The following DNAH2 variants were observed in gnomAD, a reference collection of about 807,000 sequenced individuals.
DNAH2 encodes the protein dynein axonemal heavy chain 2, also known as axonemal beta dynein heavy chain 2.
In DNAH2, 323 loss-of-function variants were observed where a neutral mutation model predicts 523.5. That is an observed-to-expected ratio of 0.62 (90% confidence interval 0.56 to 0.68). The LOEUF is 0.68. Among genes scored for constraint, DNAH2 ranks in the 30% least tolerant of loss-of-function variants. The pLI is 0.00. For synonymous variants in DNAH2, 2,093 were observed against 2,177.4 expected, an observed-to-expected ratio of 0.96 and a Z score of 1.08; for missense variants, 4,907 against 5,701.5, an observed-to-expected ratio of 0.86 and a Z score of 4.49.
At chr17:7,765,178 T>C (rs1002002394) in intron 20 of DNAH2, among the ~76,000 whole-genome samples, 1 of 152,062 alleles carries the variant, frequency 6.6e-6, no homozygotes, top group African/African-American at 2.4e-5. Context: ...AAAACTTTCA[T>C]GAGAGGGCAG....
At chr17:7,750,317 G>GT (rs1197557051) in intron 12 of DNAH2, among the ~76,000 whole-genome samples, 3 of 152,130 alleles carry the variant, frequency 2.0e-5, no homozygotes, top group Non-Finnish European at 4.4e-5. Context: ...TCTTAGATCT[G>GT]TTTTTTTCCT....
At chr17:7,751,920 G>GGGTGTGT (rs111751776) in intron 12 of DNAH2, among the ~76,000 whole-genome samples, 2 of 145,876 alleles carry the variant, frequency 1.4e-5, no homozygotes, top group African/African-American at 5.0e-5. Flanking sequence ...ATAGTTGTGG[G>GGGTGTGT]GTGTGTGTGT....
At chr17:7,797,911 T>C in intron 53 of DNAH2, 82 bp downstream of exon 53, 1 of 1,512,104 alleles carries the variant, frequency 6.6e-7, no homozygotes, top group Non-Finnish European at 8.8e-7. Context: ...CCTTCCCAGG[T>C]CTCCCAAATC....
Position 7,754,153 on chromosome 17 carries a change from G to A in DNAH2, c.1905-2938G>A, listed in dbSNP as rs2075769493. On this transcript the variant is annotated intron_variant, in intron 12 of 85. Transcript: ENST00000572933. The surrounding 1 kb of genome is among the most constrained non-coding windows in gnomAD (Gnocchi z 4.6). ...GGACGACATTCTTTAAAGCAGGCAG[G>A]CCGTGAAGGGGAGGACAGGATATGG... 6.6e-6 allele frequency among the ~76,000 whole-genome samples: 1 copy of A among 152,092 alleles called. No homozygotes were observed. The highest frequency in any genetic ancestry group is 2.1e-4 in the South Asian group (1 of 4,816).
chr17:7,807,346 C>G lies in DNAH2; in HGVS notation c.9612+27C>G. 1 of 1,568,756 alleles carries G rather than the reference C, an allele frequency of 6.4e-7. No homozygotes were observed. The highest frequency in any genetic ancestry group is 8.7e-7 in the Non-Finnish European group (1 of 1,154,922). On this transcript the variant is annotated intron_variant, in intron 62 of 85. Coordinates refer to ENST00000572933, the MANE Select transcript of DNAH2 (RefSeq NM_020877.5). This position sits in a 1 kb window ranked among gnomAD's most constrained non-coding sequence, Gnocchi z 5.6. Reference sequence around the variant, plus strand: ...TAAAGGCGTCAGGGCTGGGGCGGGGCGGTAGGGAGGGCAGGCCTGGGGGAG... The same window carrying G: ...TAAAGGCGTCAGGGCTGGGGCGGGGGGGTAGGGAGGGCAGGCCTGGGGGAG...
At chr17:7,819,671 G>A (rs1047957346) in intron 72 of DNAH2, among the ~76,000 whole-genome samples, 3 of 152,164 alleles carry the variant, frequency 2.0e-5, no homozygotes, top group Admixed American at 1.3e-4. Context: ...AGATGTTAAC[G>A]GGCAGGAAGT....
rs904359776 is a variant in DNAH2 at position 7,754,681 on chromosome 17, T to C, written c.1905-2410T>C. On this transcript the variant is annotated intron_variant, in intron 12 of 85. Coordinates refer to ENST00000572933, the MANE Select transcript of DNAH2 (RefSeq NM_020877.5). The surrounding 1 kb of genome is among the most constrained non-coding windows in gnomAD (Gnocchi z 4.6). ...CATAAACTTGATCGACTTGCCTACA[T>C]TGCCCACCCCAACCTTGGGAAGCTT... 10 of 1,265,292 alleles carry C rather than the reference T, an allele frequency of 7.9e-6. No homozygotes were observed. The highest frequency in any genetic ancestry group is 7.2e-5 in the South Asian group (6 of 82,860). 78.4% of individuals were successfully genotyped at this position (1,265,292 alleles called of 1,614,324 possible). A position where few individuals can be genotyped will look rare whatever the true frequency, so the allele number is the denominator to read the frequency against.
rs1002178511 is a variant in DNAH2, at chr17:7,759,349, G to T, written c.2449-73G>T. On this transcript the variant is annotated intron_variant, in intron 15 of 85. Coordinates refer to ENST00000572933, the MANE Select transcript of DNAH2 (RefSeq NM_020877.5). ...AACCAACTTGTTTCCTTCCCTGTTG[G>T]CTGGTTCTCACTTCCCAGGATGTGC... 2.0e-6 allele frequency: 3 copies of T among 1,536,154 alleles called. No individual in the cohort carries two copies. The African/African-American group carries it at 4.1e-5, about 21-fold the overall frequency.
rs753449833 is a variant in DNAH2 at position 7,832,277 on chromosome 17, G to A, written c.12727-302G>A. Among the ~76,000 whole-genome samples the A allele has an allele frequency of 4.5e-4, 68 of 152,244 alleles. No individual in the cohort carries two copies. Among genetic ancestry groups the A allele is most frequent in the Admixed American group, 1.3e-3 (20 of 15,280 alleles). On this transcript the variant is annotated intron_variant, in intron 82 of 85. Transcript: ENST00000572933. This position sits in a 1 kb window ranked among gnomAD's most constrained non-coding sequence, Gnocchi z 4.3. ...AATCTCAGCACTTTGGGAGGCTGAG[G>A]CGGGCAGATCACCTGAGTTTAGGAG... is the stretch of plus-strand genomic sequence containing the variant.
chr17:7,758,554 T>G lies in DNAH2; in HGVS notation c.2111T>G (p.Leu704Arg). ...QALFKERIRL[L>R]DKKIHPGLKK... Reference sequence around the variant, plus strand: ...CTATTCAAAGAGCGTATTCGGCTCCTGGATAAGAAGATCCACCCGGGACTC... The same window carrying G: ...CTATTCAAAGAGCGTATTCGGCTCCGGGATAAGAAGATCCACCCGGGACTC... The change falls in exon 14 of 86, where the codon CTG (leucine) becomes CGG (arginine). Residue 704 changes from leucine to arginine, a missense_variant. Transcript: ENST00000572933. The G allele has an allele frequency of 6.2e-7, 1 of 1,614,126 alleles. No homozygotes were observed. Among genetic ancestry groups the G allele is most frequent in the Non-Finnish European group, 8.5e-7 (1 of 1,180,018 alleles).
chr17:7,755,745 A>T (rs2075817683), intron 12 of DNAH2, among the ~76,000 whole-genome samples: 1 of 151,704 alleles, frequency 6.6e-6, no homozygotes, highest in African/African-American at 2.4e-5. Context: ...GCCACTGGAT[A>T]TGAGGTGGCA....
chr17:7,781,688 G>A (rs180959994), intron 39 of DNAH2, among the ~76,000 whole-genome samples: 62 of 152,244 alleles, frequency 4.1e-4, no homozygotes, highest in African/African-American at 1.4e-3. Context: ...TCCCTCCTCC[G>A]CTGACCTACT....
chr17:7,810,451 C>A (rs1432830912), intron 63 of DNAH2, among the ~76,000 whole-genome samples: 1 of 152,062 alleles, frequency 6.6e-6, no homozygotes, highest in Non-Finnish European at 1.5e-5. Context: ...CACGGTGGTG[C>A]GATCCCAGCT....
chr17:7,766,640 CT>C (rs58072098), intron 22 of DNAH2, among the ~76,000 whole-genome samples, 159 bp downstream of exon 22: 4,187 of 84,188 alleles, frequency 0.05, 34 homozygotes, highest in Admixed American at 0.088. Flanking sequence ...AAAATTAATC[CT>C]TTTTTTTTTT....
At position 7,825,242 on chromosome 17, in the gene DNAH2, T is replaced by A. The variant is rs142421904; in HGVS notation, c.11853+515T>A. On this transcript the variant is annotated intron_variant, in intron 77 of 85. Transcript: ENST00000572933. ...CCAATATCACAAGCTCATCACCAAA[T>A]GCAATCATCACCACCCTCTAAAATC... 8.9e-4 allele frequency among the ~76,000 whole-genome samples: 136 copies of A among 152,300 alleles called. 5 individuals are homozygous for A. The East Asian group carries it at 0.019, about 22-fold the overall frequency.
chr17:7,816,447 C>G, intron 63 of DNAH2, 124 bp from the exon 64 acceptor site: 1 of 1,138,106 alleles, frequency 8.8e-7, no homozygotes, highest in Non-Finnish European at 1.3e-6. Context: ...GGAAACTAGG[C>G]TCAAAGAGAT....
At position 7,733,104 on chromosome 17, in the gene DNAH2, C is replaced by T. The variant is rs2151136009; in HGVS notation, c.417C>T (p.Val139=). ...CCATGCAGACCCAGAACCAGCTTGT[C>T]TACTTCATTCGCCAAGCACCAGTTC... ...GMPVQTQNQL[V]YFIRQAPVPI... Residue 139 remains valine (V), a synonymous_variant, in exon 5 of 86, where the codon GTC becomes GTT. Transcript: ENST00000572933. 1.2e-6 allele frequency: 2 copies of T among 1,614,176 alleles called. No individual in the cohort carries two copies. The highest frequency in any genetic ancestry group is 2.2e-5 in the South Asian group (2 of 91,066).
chr17:7,806,854 C>T (rs2077380540), intron 61 of DNAH2, among the ~76,000 whole-genome samples: 1 of 151,640 alleles, frequency 6.6e-6, no homozygotes, highest in Admixed American at 6.6e-5. Flanking sequence ...TGATCCCTGC[C>T]CTAGAAGAAA....
At chr17:7,785,752 G>A (rs768411506) in intron 39 of DNAH2, among the ~76,000 whole-genome samples, 1 of 152,224 alleles carries the variant, frequency 6.6e-6, no homozygotes, top group African/African-American at 2.4e-5. Context: ...GTTCCAAGCC[G>A]TATCTGTGGC....
Sources: allele counts gnomAD v4.1 joint callset (sites outside exome capture counted in the v4.1 genomes callset), GRCh38; gene constraint gnomAD v4.1.1; non-coding constraint Gnocchi (gnomAD v3.1); transcripts MANE v1.5; gene names NCBI Gene and HGNC (gene_info 2026-07-23, HGNC 2026-07-21).